DYM: variants seen among roughly 807,000 people sequenced by gnomAD.
DYM encodes dymeclin.
Under a neutral mutation model 93.1 loss-of-function variants are expected in DYM, and 78 were observed. The observed-to-expected ratio is 0.84, with a 90% CI of 0.70 to 1.01. The LOEUF is 1.01. Ranked by LOEUF, DYM falls within the 50% of genes least tolerant of loss-of-function variation. The pLI is 0.00. For missense variants in DYM, 789 were observed against 845.0 expected (o/e 0.93, Z 0.82); for synonymous variants, 321 against 319.7 (o/e 1.00, Z -0.04).
At chr18:49,232,132 C>T (rs192409800) in intron 13 of DYM, among the ~76,000 whole-genome samples, 3 of 152,200 alleles carry the variant, frequency 2.0e-5, no homozygotes, top group Admixed American at 2.0e-4. Flanking sequence ...CCGATAAGAT[C>T]TTGTTTGAAA....
At chr18:49,094,654 C>CA (rs1568410051) in intron 17 of DYM, among the ~76,000 whole-genome samples, 1 of 152,208 alleles carries the variant, frequency 6.6e-6, no homozygotes, top group African/African-American at 2.4e-5. Context: ...GGATATTACA[C>CA]AAATATTTTA....
intron 2 of DYM, among the ~76,000 whole-genome samples, chr18:49,424,129 A>T (rs546246456): frequency 6.6e-6 from 1 of 152,294 alleles, no homozygotes; most frequent in South Asian, 2.1e-4. Flanking sequence ...CCTGATGAAC[A>T]TCGATGCAAA....
At chr18:49,356,142 AAAAATT>A (rs1205730565) in intron 6 of DYM, among the ~76,000 whole-genome samples, 1 of 152,202 alleles carries the variant, frequency 6.6e-6, no homozygotes, top group Non-Finnish European at 1.5e-5. Flanking sequence ...ATAAGTCAGA[AAAAATT>A]AAAAAGAAAA....
chr18:49,148,038 T>C (rs1396108783), intron 15 of DYM, among the ~76,000 whole-genome samples: 1 of 152,188 alleles, frequency 6.6e-6, no homozygotes, highest in African/African-American at 2.4e-5. Context: ...TTCATGTCTT[T>C]TGTAGGGACA....
At chr18:49,276,226 C>CAT (rs1182422253) in intron 10 of DYM, among the ~76,000 whole-genome samples, 2 of 152,066 alleles carry the variant, frequency 1.3e-5, no homozygotes, top group East Asian at 3.8e-4. Context: ...GCCCTTTACT[C>CAT]ATCTAAGGAA....
intron 15 of DYM, among the ~76,000 whole-genome samples, chr18:49,144,435 G>C (rs887672103): frequency 6.6e-6 from 1 of 151,926 alleles, no homozygotes; most frequent in Non-Finnish European, 1.5e-5. Flanking sequence ...TACTAATTAG[G>C]GTTTGCAAAA....
chr18:49,357,513 T>A (rs116542776), intron 6 of DYM, among the ~76,000 whole-genome samples: 1 of 152,192 alleles, frequency 6.6e-6, no homozygotes, highest in Admixed American at 6.5e-5. Flanking sequence ...CCAATGTCAG[T>A]AAGACACCCT....
rs117589775 is a variant in DYM, at chr18:49,137,196, C to T, written c.1729-18270G>A. On this transcript the variant is annotated intron_variant, in intron 15 of 17. Coordinates refer to ENST00000675505, the MANE Select transcript of DYM (RefSeq NM_001353214.3). ...ACAAGTAGACATTTCCTTCCTGCAC[C>T]GACCTACTTCATCATGGTGGTGCCA... Among the ~76,000 whole-genome samples, 55 of 152,224 alleles carry T rather than the reference C, an allele frequency of 3.6e-4. No homozygotes were observed. The East Asian group carries it at 6.0e-3, about 17-fold the overall frequency.
At chr18:49,277,364 G>A (rs1356512046) in intron 10 of DYM, among the ~76,000 whole-genome samples, 1 of 152,010 alleles carries the variant, frequency 6.6e-6, no homozygotes, top group East Asian at 1.9e-4. Context: ...TAAGGACAAG[G>A]AAAAATAACA....
intron 15 of DYM, among the ~76,000 whole-genome samples, chr18:49,147,392 C>T (rs2085283144): frequency 6.6e-6 from 1 of 151,980 alleles, no homozygotes; most frequent in Non-Finnish European, 1.5e-5. Context: ...AAGAAACTAC[C>T]ATCAGAGTGA....
chr18:49,180,668 T>C (rs1199928094), intron 14 of DYM, among the ~76,000 whole-genome samples: 4 of 152,152 alleles, frequency 2.6e-5, no homozygotes, highest in African/African-American at 4.8e-5. Flanking sequence ...ACCTCATTTT[T>C]GATGTTATGC....
chr18:49,258,235 C>A, intron 12 of DYM, 145 bp downstream of exon 12: 1 of 656,232 alleles, frequency 1.5e-6, no homozygotes, highest in Non-Finnish European at 2.7e-6. Context: ...ACATTAGGAT[C>A]ATGTAATACA....
At chr18:49,146,632 T>G (rs193258242) in intron 15 of DYM, among the ~76,000 whole-genome samples, 111 of 152,264 alleles carry the variant, frequency 7.3e-4, no homozygotes, top group African/African-American at 2.6e-3. Flanking sequence ...GGAATCCAAC[T>G]TACAAGGGAC....
intron 6 of DYM, among the ~76,000 whole-genome samples, chr18:49,347,216 T>G (rs1283959425): frequency 6.6e-6 from 1 of 152,060 alleles, no homozygotes; most frequent in Non-Finnish European, 1.5e-5. Context: ...TAAGGGCAAG[T>G]AAGAAACTAA....
At chr18:49,354,124 T>G (rs941650450) in intron 6 of DYM, among the ~76,000 whole-genome samples, 3 of 151,916 alleles carry the variant, frequency 2.0e-5, no homozygotes, top group African/African-American at 4.8e-5. Flanking sequence ...GACCCACATA[T>G]AGTTAATTGG....
rs1216551325 is a variant in DYM, at chr18:49,286,616, G to A, written c.764C>T (p.Thr255Ile). 6.2e-7 allele frequency: 1 copy of A among 1,613,670 alleles called. No individual in the cohort carries two copies. The highest frequency in any genetic ancestry group is 1.3e-5 in the African/African-American group (1 of 75,022). ...LLYGLASGVATGLWTVFTLGG... is the reference protein window; with the variant it reads ...LLYGLASGVAIGLWTVFTLGG... ...TAGTGTGAAGACAGTCCAGAGTCCT[G>A]CTGGGGAGGAAAACACCCTGTTAGG... Residue 255 changes from threonine (T) to isoleucine (I), a missense_variant and splice_region_variant, in exon 9 of 18, where the codon ACA becomes ATA. Physicochemically the swap from Thr to Ile is moderately conservative, Grantham distance 89. Coordinates refer to ENST00000675505, the MANE Select transcript of DYM (RefSeq NM_001353214.3).
intron 11 of DYM, among the ~76,000 whole-genome samples, chr18:49,268,430 C>G (rs984166084): frequency 6.6e-6 from 1 of 152,208 alleles, no homozygotes; most frequent in Non-Finnish European, 1.5e-5. Flanking sequence ...CTTTCCCTAT[C>G]TTACCAACCC....
At chr18:49,112,886 ACT>A (rs1343872876) in intron 16 of DYM, among the ~76,000 whole-genome samples, 1 of 151,850 alleles carries the variant, frequency 6.6e-6, no homozygotes, top group Admixed American at 6.6e-5. Flanking sequence ...TGCATAGCTC[ACT>A]CTCTACCTGC....
intron 17 of DYM, among the ~76,000 whole-genome samples, chr18:49,058,202 T>C (rs2075666668): frequency 6.6e-6 from 1 of 152,190 alleles, no homozygotes; most frequent in Non-Finnish European, 1.5e-5. Flanking sequence ...AAAACATCTG[T>C]AGATGAAGCA....
Sources: allele counts gnomAD v4.1 joint callset (sites outside exome capture counted in the v4.1 genomes callset), GRCh38; gene constraint gnomAD v4.1.1; transcripts MANE v1.5; gene names NCBI Gene and HGNC (gene_info 2026-07-23, HGNC 2026-07-21).